Variants in CFAP74 observed in about 807,000 individuals in gnomAD.
The protein encoded by CFAP74 is cilia- and flagella-associated protein 74.
A neutral mutation model predicts 188.9 loss-of-function variants in CFAP74; 124 were observed. The ratio of observed to expected loss-of-function variants is 0.66; its 90% CI spans 0.57 to 0.76. The LOEUF (loss-of-function observed/expected upper bound fraction) is 0.76. Among genes scored for constraint, CFAP74 ranks in the 30% least tolerant of loss-of-function variants. The pLI is 0.00. For synonymous variants in CFAP74, 956 were observed against 916.7 expected, an observed-to-expected ratio of 1.04 and a Z score of -0.77; for missense variants, 2,198 against 2,165.2, an observed-to-expected ratio of 1.02 and a Z score of -0.30.
rs1185918214 is a variant in CFAP74 at position 1,926,979 on chromosome 1, C to T, written c.3577G>A (p.Ala1193Thr). The T allele has an allele frequency of 6.5e-7, 1 of 1,550,154 alleles. No individual in the cohort carries two copies. Among genetic ancestry groups the T allele is most frequent in the Non-Finnish European group, 8.7e-7 (1 of 1,146,900 alleles). The change falls in exon 29 of 39, where the codon GCG becomes ACG. Residue 1193 changes from alanine (A) to threonine (T), a missense_variant. Coordinates refer to ENST00000682832, the MANE Select transcript of CFAP74 (RefSeq NM_001304360.2). ...GGAACTACAAATGTGTCAAACTTCG[C>T]CTGGAACGCTCTGAGCAGGGTGGCT... is the stretch of plus-strand genomic sequence containing the variant. ...ARATLLRAFQAKFDTFVVPCV... is the reference protein window; with the variant it reads ...ARATLLRAFQTKFDTFVVPCV...
chr1:1,955,418 T>G, intron 18 of CFAP74: 1 of 1,457,334 alleles, frequency 6.9e-7, no homozygotes. Flanking sequence ...CCCCGCCCTG[T>G]GCGGCTCCGC....
At chr1:1,993,877 G>A (rs1387168791) in intron 1 of CFAP74, among the ~76,000 whole-genome samples, 2 of 151,094 alleles carry the variant, frequency 1.3e-5, no homozygotes, top group African/African-American at 2.4e-5. Flanking sequence ...AGCTACTCGG[G>A]AGGCTGAGGC....
At chr1:1,972,804 G>A (rs1656181846) in intron 8 of CFAP74, 133 bp downstream of exon 8, 4 of 703,946 alleles carry the variant, frequency 5.7e-6, no homozygotes, top group South Asian at 3.2e-5. Context: ...ATCGCGCCAC[G>A]GCACCCCAGC....
chr1:1,989,268 C>T (rs147310927), intron 2 of CFAP74, among the ~76,000 whole-genome samples: 277 of 152,308 alleles, frequency 1.8e-3, no homozygotes, highest in African/African-American at 6.4e-3. Context: ...GCTGCTGACC[C>T]TGAAGTCAAG....
chr1:1,926,491 A>G lies in CFAP74; in HGVS notation c.3794T>C (p.Ile1265Thr). ...CTCGGGAGAGACGTTCTGGATGGAGATCTTCTTGATACTGCGGTGCCCTGA... is the reference window on the plus strand; with the variant it reads ...CTCGGGAGAGACGTTCTGGATGGAGGTCTTCTTGATACTGCGGTGCCCTGA... The part of the protein sequence containing the change: ...VAVGHRSIKK[I>T]SIQNVSPEDL... The change falls in exon 31 of 39, where the codon ATC (isoleucine) becomes ACC (threonine). Residue 1265 changes from isoleucine to threonine, a missense_variant. Transcript: ENST00000682832. 9.7e-6 allele frequency: 15 copies of G among 1,549,960 alleles called. No homozygotes were observed. The highest frequency in any genetic ancestry group is 1.3e-5 in the Non-Finnish European group (15 of 1,146,858).
At chr1:1,977,054 T>C (rs1193154440) in intron 6 of CFAP74, among the ~76,000 whole-genome samples, 2 of 152,158 alleles carry the variant, frequency 1.3e-5, no homozygotes, top group African/African-American at 2.4e-5. Context: ...TTCACCGTGT[T>C]AGCCAGGATG....
chr1:1,933,131 G>A (rs1382687935), intron 25 of CFAP74, among the ~76,000 whole-genome samples: 2 of 146,550 alleles, frequency 1.4e-5, no homozygotes, highest in African/African-American at 5.1e-5. Context: ...CGTGATCTGC[G>A]CACCTCGGCC....
At chr1:1,957,345 C>T (rs1327631117) in intron 16 of CFAP74, among the ~76,000 whole-genome samples, 1 of 152,190 alleles carries the variant, frequency 6.6e-6, no homozygotes, top group African/African-American at 2.4e-5. Flanking sequence ...AGGGGCTCCC[C>T]ACTCTGTGCT....
At chr1:1,985,279 C>T (rs937238107) in intron 6 of CFAP74, 107 bp downstream of exon 6, 36 of 892,086 alleles carry the variant, frequency 4.0e-5, no homozygotes, top group Non-Finnish European at 6.4e-5. Context: ...CGCAGTTTGC[C>T]GGTCAGGTGC....
chr1:1,939,106 G>C, intron 24 of CFAP74, 118 bp from the exon 25 acceptor site: 4 of 1,093,852 alleles, frequency 3.7e-6, no homozygotes, highest in Non-Finnish European at 5.2e-6. Context: ...GCGAATGTGA[G>C]GGTGAGAGTG....
chr1:1,939,810 A>G, intron 23 of CFAP74, 43 bp from the exon 24 acceptor site: 1 of 1,513,598 alleles, frequency 6.6e-7, no homozygotes, highest in Non-Finnish European at 8.9e-7. Context: ...CCACTCGGAG[A>G]CTTACCAAGT....
At chr1:1,934,889 G>A (rs539439478) in intron 25 of CFAP74, among the ~76,000 whole-genome samples, 83 of 147,838 alleles carry the variant, frequency 5.6e-4, no homozygotes, top group Middle Eastern at 3.7e-3. Flanking sequence ...GTGTTAGGTT[G>A]TAGGTACACA....
intron 20 of CFAP74, among the ~76,000 whole-genome samples, chr1:1,945,842 A>AAGAAC (rs1553222919): frequency 2.2e-4 from 31 of 144,076 alleles, no homozygotes; most frequent in Non-Finnish European, 3.2e-4. Flanking sequence ...AAAAAAAAAA[A>AAGAAC]AAAGAACAAA....
In CFAP74 at chr1:1,968,005, C is replaced by CGAATGAGTGAATGAATGAGT. The variant is rs1655597182; in HGVS notation, c.1245+610_1245+629dup. 7.1e-6 allele frequency among the ~76,000 whole-genome samples: 1 copy of CGAATGAGTGAATGAATGAGT among 140,406 alleles called. No individual in the cohort carries two copies. Among genetic ancestry groups the CGAATGAGTGAATGAATGAGT allele is most frequent in the Non-Finnish European group, 1.6e-5 (1 of 63,050 alleles). The allele number at this position is 140,406 out of a possible 152,430, so 92.1% of individuals were successfully genotyped here. On this transcript the variant is annotated intron_variant, in intron 11 of 38. Coordinates refer to ENST00000682832, the MANE Select transcript of CFAP74 (RefSeq NM_001304360.2). The surrounding 1 kb of genome is among the most constrained non-coding windows in gnomAD (Gnocchi z 4.3). ...AAGAATGAATGAGTGAATGAGTGAG[C>CGAATGAGTGAATGAATGAGT]GAATGAGTGAATGAATGAGTGAATG...
intron 25 of CFAP74, among the ~76,000 whole-genome samples, chr1:1,933,227 C>T (rs1224626888): frequency 7.0e-6 from 1 of 142,504 alleles, no homozygotes; most frequent in Admixed American, 7.1e-5. Context: ...CTCTGTCGCC[C>T]AGGCTTAGTG....
At position 1,924,035 on chromosome 1, in the gene CFAP74, GC is replaced by G; in HGVS notation, c.4235-107del. The G allele has an allele frequency of 2.5e-6, 3 of 1,176,798 alleles. No homozygotes were observed. In the East Asian group the frequency reaches 8.1e-5, roughly 32 times the overall value. 72.9% of individuals were successfully genotyped at this position (1,176,798 alleles called of 1,614,324 possible). Reference sequence around the variant, plus strand: ...TACACCCTGCCCGCCCCCCTGCAGAGCCCCTGTCCTGCCCGGTCCCCCCAAT... The same window carrying G: ...TACACCCTGCCCGCCCCCCTGCAGAGCCCTGTCCTGCCCGGTCCCCCCAAT... On this transcript the variant is annotated intron_variant, in intron 34 of 38. Coordinates refer to ENST00000682832, the MANE Select transcript of CFAP74 (RefSeq NM_001304360.2).
chr1:1,979,322 T>G (rs1307616152), intron 6 of CFAP74, among the ~76,000 whole-genome samples: 9 of 136,128 alleles, frequency 6.6e-5, no homozygotes, highest in African/African-American at 2.5e-4. Flanking sequence ...GAGCTGGGCG[T>G]GGGAAGGCAT....
chr1:1,939,025 G>A, intron 24 of CFAP74, 37 bp from the exon 25 acceptor site: 6 of 1,529,546 alleles, frequency 3.9e-6, no homozygotes, highest in Non-Finnish European at 5.3e-6. Context: ...CATGTCACGG[G>A]GAGACCATGT....
At chr1:1,998,053 G>C (rs554437422) in intron 1 of CFAP74, among the ~76,000 whole-genome samples, 3 of 152,252 alleles carry the variant, frequency 2.0e-5, no homozygotes. Flanking sequence ...TGAGGCGGGT[G>C]GATCACCTGA....
Sources: allele counts gnomAD v4.1 joint callset (sites outside exome capture counted in the v4.1 genomes callset), GRCh38; gene constraint gnomAD v4.1.1; non-coding constraint Gnocchi (gnomAD v3.1); transcripts MANE v1.5; gene names NCBI Gene and HGNC (gene_info 2026-07-23, HGNC 2026-07-21).